STK38: variants seen among roughly 807,000 people sequenced by gnomAD.
STK38 encodes the protein serine/threonine kinase 38, also known as serine/threonine-protein kinase 38.
A neutral mutation model predicts 59.0 loss-of-function variants in STK38; 26 were observed. That is an observed-to-expected ratio of 0.44 (90% CI 0.32 to 0.61). STK38 has a LOEUF of 0.61. Among genes scored for constraint, STK38 ranks in the 20% least tolerant of loss-of-function variants. The probability of loss-of-function intolerance (pLI) is 0.04; values close to 1 mark genes in which losing one functional copy is unlikely to be tolerated. For synonymous variants in STK38, 175 were observed against 176.6 expected, an observed-to-expected ratio of 0.99 and a Z score of 0.07; for missense variants, 433 against 566.0, an observed-to-expected ratio of 0.76 and a Z score of 2.38.
At chr6:36,537,889 ACCC>A (rs1014189330) in intron 2 of STK38, among the ~76,000 whole-genome samples, 3 of 148,300 alleles carry the variant, frequency 2.0e-5, no homozygotes, top group African/African-American at 7.5e-5. Flanking sequence ...ACAAAACAAC[ACCC>A]CGTCTCGACA....
intron 2 of STK38, among the ~76,000 whole-genome samples, chr6:36,534,555 A>G (rs979926831): frequency 7.2e-5 from 11 of 152,122 alleles, no homozygotes; most frequent in African/African-American, 2.7e-4. Context: ...CGTAAGGCTG[A>G]GGTGGGAAAA....
intron 2 of STK38, among the ~76,000 whole-genome samples, chr6:36,539,315 G>A (rs1190754935): frequency 6.6e-6 from 1 of 151,718 alleles, no homozygotes; most frequent in Non-Finnish European, 1.5e-5. Flanking sequence ...GAACCCAGGA[G>A]GCAGAGGCTG....
At chr6:36,502,072 A>C (rs1360392385) in intron 9 of STK38, among the ~76,000 whole-genome samples, 1 of 152,208 alleles carries the variant, frequency 6.6e-6, no homozygotes, top group Non-Finnish European at 1.5e-5. Flanking sequence ...GGTACTCCAT[A>C]TCTCATCAAG....
chr6:36,528,379 G>A (rs568024855), intron 2 of STK38, among the ~76,000 whole-genome samples: 36 of 152,304 alleles, frequency 2.4e-4, no homozygotes, highest in Admixed American at 6.5e-4. Context: ...CAGATGTACA[G>A]TAAAGATCTG....
chr6:36,527,530 A>G (rs1777561247), intron 2 of STK38, among the ~76,000 whole-genome samples: 1 of 150,888 alleles, frequency 6.6e-6, no homozygotes, highest in Admixed American at 6.6e-5. Context: ...TCCAGCTCAG[A>G]TGTCGGAGTG....
intron 5 of STK38, 121 bp downstream of exon 5, chr6:36,521,613 A>C (rs1209074460): frequency 1.7e-6 from 1 of 576,970 alleles, no homozygotes; most frequent in Non-Finnish European, 2.8e-6. Flanking sequence ...TTATATATAT[A>C]GTCATACATG....
intron 9 of STK38, among the ~76,000 whole-genome samples, chr6:36,502,836 T>C (rs1776872752): frequency 6.6e-6 from 1 of 152,202 alleles, no homozygotes. Context: ...ATCTTAGTTT[T>C]ATTTTTGAGC....
intron 2 of STK38, among the ~76,000 whole-genome samples, chr6:36,527,207 A>AAAAAAAATAT (rs60162863): frequency 2.6e-4 from 31 of 119,338 alleles, no homozygotes; most frequent in African/African-American, 4.9e-4. Context: ...AAAAAAAAAA[A>AAAAAAAATAT]ATATATGTAT....
At chr6:36,521,974 C>G (rs1394215810) in intron 4 of STK38, among the ~76,000 whole-genome samples, 157 bp from the exon 5 acceptor site, 10 of 152,116 alleles carry the variant, frequency 6.6e-5, no homozygotes, top group African/African-American at 2.4e-4. Flanking sequence ...TTCAGTGTTC[C>G]AAAATGAATA....
rs146693826 is a variant in STK38 at position 36,506,745 on chromosome 6, C to T, written c.773-101G>A. On this transcript the variant is annotated intron_variant, in intron 8 of 13. Transcript: ENST00000229812. ...AGTCACATGAGACCCTAAAGTCTTG[C>T]TTTTCTTCTACTCATACATCAAAAG... The T allele has an allele frequency of 5.5e-4, 577 of 1,050,482 alleles. No individual in the cohort carries two copies. The African/African-American group carries it at 8.3e-3, about 15-fold the overall frequency. 65.1% of individuals were successfully genotyped at this position (1,050,482 alleles called of 1,614,324 possible).
intron 6 of STK38, 90 bp from the exon 7 acceptor site, chr6:36,515,582 GAT>G (rs1350200550): frequency 1.9e-5 from 30 of 1,578,358 alleles, no homozygotes; most frequent in African/African-American, 5.5e-5. Context: ...CCAATTTTCA[GAT>G]ATGTCTTCCC....
chr6:36,499,841 C>A, intron 10 of STK38, 32 bp downstream of exon 10: 1 of 1,565,416 alleles, frequency 6.4e-7, no homozygotes, highest in South Asian at 1.1e-5. Flanking sequence ...CATGGATGCA[C>A]AGAAAAAGTC....
Position 36,495,423 on chromosome 6 carries a change from T to TC in STK38, c.*360_*361insG. The TC allele has an allele frequency of 2.1e-5, 4 of 187,080 alleles. No individual in the cohort carries two copies. Among genetic ancestry groups the TC allele is most frequent in the Admixed American group, 5.6e-5 (1 of 18,010 alleles). 11.6% of individuals were successfully genotyped at this position (187,080 alleles called of 1,614,324 possible). A position where few individuals can be genotyped will look rare whatever the true frequency, so the allele number is the denominator to read the frequency against. Reference sequence around the variant, plus strand: ...TCACAAAATTACAGGAACTGGCTGATATTCGATGACTATACACGACAATCT... The same window carrying TC: ...TCACAAAATTACAGGAACTGGCTGATCATTCGATGACTATACACGACAATCT... On this transcript the variant is annotated 3_prime_UTR_variant, in exon 14 of 14. Coordinates refer to ENST00000229812, the MANE Select transcript of STK38 (RefSeq NM_007271.4).
chr6:36,511,846 G>GT (rs1440979068), intron 7 of STK38, among the ~76,000 whole-genome samples: 1 of 151,376 alleles, frequency 6.6e-6, no homozygotes, highest in Non-Finnish European at 1.5e-5. Context: ...ATCACCTGAG[G>GT]TCAGGAGTTC....
intron 2 of STK38, among the ~76,000 whole-genome samples, chr6:36,527,061 G>A (rs753629727): frequency 3.0e-4 from 45 of 151,014 alleles, no homozygotes; most frequent in Non-Finnish European, 4.3e-4. Context: ...GCGTGGTGGC[G>A]AGCGCCTGTA....
intron 2 of STK38, among the ~76,000 whole-genome samples, chr6:36,536,870 GGTTTTTTA>G (rs1777805258): frequency 6.6e-6 from 1 of 151,120 alleles, no homozygotes; most frequent in Non-Finnish European, 1.5e-5. Flanking sequence ...AAAGAAGAAA[GGTTTTTTA>G]GAAAGGTCAC....
intron 13 of STK38, 152 bp from the exon 14 acceptor site, chr6:36,496,066 G>C (rs1776697925): frequency 2.7e-6 from 2 of 749,552 alleles, no homozygotes; most frequent in Non-Finnish European, 4.0e-6. Flanking sequence ...TTTTTTTTGA[G>C]ACAGAGTCTT....
chr6:36,522,876 A>AG (rs1554168331), intron 4 of STK38, among the ~76,000 whole-genome samples: 17 of 98,858 alleles, frequency 1.7e-4, no homozygotes, highest in African/African-American at 6.8e-4. Flanking sequence ...AAAAAAAAAA[A>AG]AAGAAGAAGA....
intron 1 of STK38, among the ~76,000 whole-genome samples, chr6:36,545,457 C>T (rs1778035193): frequency 6.6e-6 from 1 of 151,962 alleles, no homozygotes; most frequent in Admixed American, 6.6e-5. Flanking sequence ...ATTAGACCAA[C>T]AAATTCTTAA....
Sources: allele counts gnomAD v4.1 joint callset (sites outside exome capture counted in the v4.1 genomes callset), GRCh38; gene constraint gnomAD v4.1.1; transcripts MANE v1.5; gene names NCBI Gene and HGNC (gene_info 2026-07-23, HGNC 2026-07-21).